WIPI1: variants seen among roughly 807,000 people sequenced by gnomAD.
The protein encoded by WIPI1 is WD repeat domain phosphoinositide-interacting protein 1.
In WIPI1, 45 loss-of-function variants were observed where a neutral mutation model predicts 55.3. That is an observed-to-expected ratio of 0.81 (90% confidence interval 0.64 to 1.04). WIPI1 has a LOEUF of 1.04. Among genes scored for constraint, WIPI1 ranks in the 50% least tolerant of loss-of-function variants. The pLI is 0.00. For missense variants in WIPI1, 445 were observed against 559.0 expected, an observed-to-expected ratio of 0.80 and a Z score of 2.06; for synonymous variants, 195 against 217.6, an observed-to-expected ratio of 0.90 and a Z score of 0.92.
In WIPI1 at chr17:68,423,437, G is replaced by A. The variant is rs988927361; in HGVS notation, c.1294-1617C>T. ...CATCACCATCTACCTGCAGGCTGGA[G>A]GGCAGACTGAGAGGTTGGTGGCTGC... On this transcript the variant is annotated intron_variant, in intron 12 of 12. Coordinates refer to ENST00000262139, the MANE Select transcript of WIPI1 (RefSeq NM_017983.7). This position sits in a 1 kb window ranked among gnomAD's most constrained non-coding sequence, Gnocchi z 4.4. Among the ~76,000 whole-genome samples the A allele has an allele frequency of 3.9e-5, 6 of 152,188 alleles. No individual in the cohort carries two copies. Among genetic ancestry groups the A allele is most frequent in the African/African-American group, 7.2e-5 (3 of 41,458 alleles).
intron 8 of WIPI1, among the ~76,000 whole-genome samples, chr17:68,432,424 A>C (rs1022495749): frequency 6.6e-6 from 1 of 152,194 alleles, no homozygotes; most frequent in Non-Finnish European, 1.5e-5. Flanking sequence ...TGTCATGCTG[A>C]GAAGAAGACC....
intron 4 of WIPI1, among the ~76,000 whole-genome samples, chr17:68,438,427 T>C (rs1208111377): frequency 1.3e-5 from 2 of 152,134 alleles, no homozygotes; most frequent in African/African-American, 4.8e-5. Context: ...CTTGTGAAAC[T>C]GGGGAGGGAA....
Position 68,421,839 on chromosome 17 carries a change from A to G in WIPI1, c.1294-19T>C. ...AGATTATCTACCAAAATCAAAACAG[A>G]ATGGCCTTACTCTTCTCAGGAAGAG... On this transcript the variant is annotated intron_variant, in intron 12 of 12. Coordinates refer to ENST00000262139, the MANE Select transcript of WIPI1 (RefSeq NM_017983.7). 1 of 1,614,126 alleles carries G rather than the reference A, an allele frequency of 6.2e-7. No homozygotes were observed. The highest frequency in any genetic ancestry group is 8.5e-7 in the Non-Finnish European group (1 of 1,180,014).
intron 3 of WIPI1, among the ~76,000 whole-genome samples, chr17:68,448,782 C>T (rs1568649315): frequency 6.6e-6 from 1 of 152,134 alleles, no homozygotes; most frequent in Non-Finnish European, 1.5e-5. Context: ...AGTTTAGCAG[C>T]GAAACTTAAT....
At chr17:68,437,005 A>AAAT in intron 4 of WIPI1, among the ~76,000 whole-genome samples, 1 of 107,192 alleles carries the variant, frequency 9.3e-6, no homozygotes, top group East Asian at 2.2e-4. Context: ...AAAAAAAAAA[A>AAAT]ATATATATAT....
intron 6 of WIPI1, 96 bp downstream of exon 6, chr17:68,435,524 G>A: frequency 8.3e-7 from 1 of 1,210,680 alleles, no homozygotes; most frequent in Non-Finnish European, 1.2e-6. Context: ...AGACCAGTCA[G>A]TCTTCATGTC....
intron 2 of WIPI1, among the ~76,000 whole-genome samples, chr17:68,451,401 T>A (rs1208079428): frequency 6.6e-6 from 1 of 152,072 alleles, no homozygotes; most frequent in East Asian, 1.9e-4. Flanking sequence ...AACACTGCAC[T>A]CCAGCCTGGG....
In WIPI1 at chr17:68,424,641, C is replaced by T. The variant is rs561024202; in HGVS notation, c.1293+1434G>A. 1.4e-4 allele frequency: 57 copies of T among 393,868 alleles called. 1 individual carries two copies. The highest frequency in any genetic ancestry group is 4.8e-4 in the Middle Eastern group (1 of 2,070). The allele number at this position is 393,868 out of a possible 1,614,324, so 24.4% of individuals were successfully genotyped here. On this transcript the variant is annotated intron_variant, in intron 12 of 12. Transcript: ENST00000262139. ...CTGTAATCCTAGCACTTTGGGAGGC[C>T]GAGACGAGTGGATCACTTGAGGTCA... is the stretch of plus-strand genomic sequence containing the variant.
chr17:68,422,041 C>T (rs1213080692), intron 12 of WIPI1: 9 of 587,770 alleles, frequency 1.5e-5, no homozygotes, highest in Non-Finnish European at 2.1e-5. Context: ...ATAAAAATGT[C>T]TCTGTGTGTG....
At chr17:68,436,641 G>C (rs774716556) in intron 4 of WIPI1, among the ~76,000 whole-genome samples, 162 bp from the exon 5 acceptor site, 27 of 152,172 alleles carry the variant, frequency 1.8e-4, no homozygotes, top group African/African-American at 6.3e-4. Context: ...TCTGATTAAG[G>C]CTTCCAATAA....
At chr17:68,456,371 C>G (rs1245201147) in intron 1 of WIPI1, among the ~76,000 whole-genome samples, 1 of 152,172 alleles carries the variant, frequency 6.6e-6, no homozygotes, top group Non-Finnish European at 1.5e-5. Flanking sequence ...TCACCAGCAG[C>G]CAAGGCACAG....
intron 1 of WIPI1, among the ~76,000 whole-genome samples, chr17:68,455,131 G>A (rs556150346): frequency 2.0e-5 from 3 of 152,242 alleles, no homozygotes; most frequent in Admixed American, 6.5e-5. Flanking sequence ...GGAGGCTGAG[G>A]TGGGTGGATC....
intron 10 of WIPI1, 113 bp downstream of exon 10, chr17:68,428,716 G>A: frequency 3.8e-6 from 3 of 788,342 alleles, no homozygotes; most frequent in South Asian, 1.6e-5. Flanking sequence ...CACTGAGACT[G>A]CCAGTGAAGA....
chr17:68,439,827 C>T (rs1257656992), intron 4 of WIPI1, among the ~76,000 whole-genome samples: 1 of 152,122 alleles, frequency 6.6e-6, no homozygotes, highest in Non-Finnish European at 1.5e-5. Flanking sequence ...GAGGTCTTTC[C>T]AGATTTAACA....
At position 68,434,616 on chromosome 17, in the gene WIPI1, A is replaced by C; in HGVS notation, c.632T>G (p.Ile211Ser). 1 of 1,614,044 alleles carries C rather than the reference A, an allele frequency of 6.2e-7. No individual in the cohort carries two copies. The highest frequency in any genetic ancestry group is 8.5e-7 in the Non-Finnish European group (1 of 1,179,896). Reference sequence around the variant, plus strand: ...CCCATCAGGGACAGAGAACACCCGGATGACTGTGCCCTGGAAAAGAAAGCA... The same window carrying C: ...CCCATCAGGGACAGAGAACACCCGGCTGACTGTGCCCTGGAAAAGAAAGCA... The part of the protein sequence containing the change: ...LASASEKGTV[I>S]RVFSVPDGQK... Residue 211 changes from isoleucine (I) to serine (S), a missense_variant, in exon 7 of 13, where the codon ATC becomes AGC. Transcript: ENST00000262139.
At chr17:68,431,108 A>T (rs960593532) in intron 8 of WIPI1, among the ~76,000 whole-genome samples, 1 of 152,156 alleles carries the variant, frequency 6.6e-6, no homozygotes, top group Non-Finnish European at 1.5e-5. Flanking sequence ...GCTGGGGTTT[A>T]CAAAGAGGTG....
intron 2 of WIPI1, 89 bp downstream of exon 2, chr17:68,452,821 T>C: frequency 1.7e-6 from 2 of 1,205,128 alleles, no homozygotes; most frequent in South Asian, 1.3e-5. Flanking sequence ...AAGGGAAAAA[T>C]AGGCAGCTTG....
At chr17:68,427,337 A>G (rs1168291714) in intron 10 of WIPI1, 84 bp from the exon 11 acceptor site, 2 of 1,041,112 alleles carry the variant, frequency 1.9e-6, no homozygotes, top group African/African-American at 3.2e-5. Context: ...AGCATGAAGA[A>G]GCCTGTGCTC....
In WIPI1 at chr17:68,421,404, T is replaced by C; in HGVS notation, c.*369A>G. 1 of 234,712 alleles carries C rather than the reference T, an allele frequency of 4.3e-6. No homozygotes were observed. Among genetic ancestry groups the C allele is most frequent in the Non-Finnish European group, 8.6e-6 (1 of 116,312 alleles). The allele number at this position is 234,712 out of a possible 1,614,324, so 14.5% of individuals were successfully genotyped here. On this transcript the variant is annotated 3_prime_UTR_variant, in exon 13 of 13. Coordinates refer to ENST00000262139, the MANE Select transcript of WIPI1 (RefSeq NM_017983.7). ...AGAGTCTCTCTCTAAGTATGTAATATACAAGAAATACAATTCAAAGAGATG... is the reference window on the plus strand; with the variant it reads ...AGAGTCTCTCTCTAAGTATGTAATACACAAGAAATACAATTCAAAGAGATG...
Sources: allele counts gnomAD v4.1 joint callset (sites outside exome capture counted in the v4.1 genomes callset), GRCh38; gene constraint gnomAD v4.1.1; non-coding constraint Gnocchi (gnomAD v3.1); transcripts MANE v1.5; gene names NCBI Gene and HGNC (gene_info 2026-07-23, HGNC 2026-07-21).